Variants in ISM1 observed in about 807,000 individuals in gnomAD.
ISM1 encodes the protein isthmin-1.
A neutral mutation model predicts 46.3 loss-of-function variants in ISM1; 25 were observed. The observed-to-expected ratio is 0.54, with a 90% CI of 0.39 to 0.75. The LOEUF (loss-of-function observed/expected upper bound fraction) is 0.75. Among genes scored for constraint, ISM1 ranks in the 30% least tolerant of loss-of-function variants. ISM1 has a pLI of 0.00. For synonymous variants in ISM1, 255 were observed against 256.7 expected (o/e 0.99, Z 0.06); for missense variants, 536 against 625.4 (o/e 0.86, Z 1.52).
the ISM1 span, among the ~76,000 whole-genome samples, chr20:13,317,322 C>T: frequency 6.6e-6 from 1 of 152,100 alleles, no homozygotes; most frequent in African/African-American, 2.4e-5. Context: ...TTGAGAGATA[C>T]TCCATGTTAG....
At chr20:13,280,319 T>C (rs2040224745) in intron 3 of ISM1, among the ~76,000 whole-genome samples, 2 of 151,990 alleles carry the variant, frequency 1.3e-5, no homozygotes, top group African/African-American at 2.4e-5. Flanking sequence ...GCAACTGTGT[T>C]ATGTTTGATA....
intron 2 of ISM1, among the ~76,000 whole-genome samples, chr20:13,273,255 G>T (rs199649447): frequency 1.9e-4 from 5 of 25,918 alleles, no homozygotes; most frequent in African/African-American, 7.2e-4. Flanking sequence ...ATTTTATTTT[G>T]ACAAGGTCTT....
Position 13,221,796 on chromosome 20 carries a change from A to AGCT in ISM1, c.34_36dup (p.Leu12dup), listed in dbSNP as rs764390050. ...AAAAGGATGGTGCGCCTGGCGGCCG[A>AGCT]GCTGCTGCTGCTGCTGGGGCTGCTG... is the stretch of plus-strand genomic sequence containing the variant. On this transcript the variant is annotated inframe_insertion, in exon 1 of 6. Coordinates refer to ENST00000262487, the MANE Select transcript of ISM1 (RefSeq NM_080826.2). 1.9e-5 allele frequency: 27 copies of AGCT among 1,450,490 alleles called. No homozygotes were observed. The highest frequency in any genetic ancestry group is 2.4e-4 in the Middle Eastern group (1 of 4,232). The allele number at this position is 1,450,490 out of a possible 1,614,324, so 89.9% of individuals were successfully genotyped here.
chr20:13,260,959 A>G (rs1200168837), intron 1 of ISM1, among the ~76,000 whole-genome samples: 1 of 152,174 alleles, frequency 6.6e-6, no homozygotes, highest in East Asian at 1.9e-4. Flanking sequence ...AATCTGGTAT[A>G]AATTATCTCT....
At chr20:13,286,125 C>T (rs2040289737) in intron 3 of ISM1, among the ~76,000 whole-genome samples, 1 of 152,010 alleles carries the variant, frequency 6.6e-6, no homozygotes, top group Admixed American at 6.6e-5. Flanking sequence ...TACTTTTGAC[C>T]TTTTTTTAGC....
chr20:13,321,272 A>AC, the ISM1 span, among the ~76,000 whole-genome samples: 10 of 151,002 alleles, frequency 6.6e-5, no homozygotes, highest in Non-Finnish European at 1.3e-4. Flanking sequence ...AAAAAAAAAA[A>AC]AAAAGATTTT....
At chr20:13,258,630 T>C (rs2039953427) in intron 1 of ISM1, among the ~76,000 whole-genome samples, 1 of 152,120 alleles carries the variant, frequency 6.6e-6, no homozygotes, top group African/African-American at 2.4e-5. Flanking sequence ...TGAGAACTTG[T>C]GATTCTCTTT....
chr20:13,266,936 A>G (rs2040049273), intron 1 of ISM1, among the ~76,000 whole-genome samples: 1 of 152,182 alleles, frequency 6.6e-6, no homozygotes, highest in Non-Finnish European at 1.5e-5. Context: ...TGCAAGGAGG[A>G]TGTGCAGTAA....
At chr20:13,310,895 A>T in the ISM1 span, among the ~76,000 whole-genome samples, 1 of 152,204 alleles carries the variant, frequency 6.6e-6, no homozygotes, top group Non-Finnish European at 1.5e-5. Context: ...GAAGATGTTT[A>T]TCAAAAAATA....
At chr20:13,288,143 T>C (rs2040313693) in intron 3 of ISM1, among the ~76,000 whole-genome samples, 1 of 152,210 alleles carries the variant, frequency 6.6e-6, no homozygotes, top group African/African-American at 2.4e-5. Flanking sequence ...GCCCAGATTC[T>C]AGAGAAAATA....
intron 1 of ISM1, chr20:13,245,403 CCA>C (rs1444521482): frequency 6.6e-6 from 1 of 152,196 alleles, no homozygotes; most frequent in East Asian, 1.9e-4. Context: ...AAGACAAAAT[CCA>C]CAGTCTTTGT....
chr20:13,302,168 C>G (rs2040463669), downstream of ISM1, among the ~76,000 whole-genome samples: 1 of 152,138 alleles, frequency 6.6e-6, no homozygotes, highest in Admixed American at 6.5e-5. Flanking sequence ...AGCTTTCTTA[C>G]TACGGTGAAA....
At position 13,294,738 on chromosome 20, in the gene ISM1, C is replaced by T. The variant is rs73898763; in HGVS notation, c.877+2275C>T. 4.7e-3 allele frequency among the ~76,000 whole-genome samples: 716 copies of T among 152,312 alleles called. 6 individuals are homozygous for T. The highest frequency in any genetic ancestry group is 0.016 in the African/African-American group (667 of 41,552). On this transcript the variant is annotated intron_variant, in intron 5 of 5. Coordinates refer to ENST00000262487, the MANE Select transcript of ISM1 (RefSeq NM_080826.2). ...CTCAGAGAGGAGGCCACAGCCACAG[C>T]CTATCCCAGCTGGCAGCACCTCGAC...
At chr20:13,295,091 C>T (rs550852868) in intron 5 of ISM1, among the ~76,000 whole-genome samples, 1 of 152,302 alleles carries the variant, frequency 6.6e-6, no homozygotes, top group East Asian at 1.9e-4. Flanking sequence ...ACCCACACCA[C>T]CACCAGCCTC....
chr20:13,240,709 T>C (rs1346742392), intron 1 of ISM1, among the ~76,000 whole-genome samples: 1 of 152,192 alleles, frequency 6.6e-6, no homozygotes, highest in Non-Finnish European at 1.5e-5. Flanking sequence ...CATAGATATG[T>C]TAGAAAATTT....
chr20:13,287,851 C>T (rs2123306092), intron 3 of ISM1, among the ~76,000 whole-genome samples: 1 of 152,294 alleles, frequency 6.6e-6, no homozygotes, highest in East Asian at 1.9e-4. Flanking sequence ...CTTAAAACAA[C>T]AACCGTTTAT....
the ISM1 span, among the ~76,000 whole-genome samples, chr20:13,322,269 A>G: frequency 8.6e-4 from 131 of 152,304 alleles, no homozygotes; most frequent in African/African-American, 3.1e-3. Context: ...TCATCTTCAA[A>G]GGCAGTTTGT....
intron 4 of ISM1, among the ~76,000 whole-genome samples, chr20:13,290,415 C>T (rs1007985836): frequency 5.3e-5 from 8 of 152,084 alleles, no homozygotes; most frequent in East Asian, 1.9e-4. Context: ...TTTGGGAGGC[C>T]GAGGCGGGCA....
intron 1 of ISM1, among the ~76,000 whole-genome samples, chr20:13,232,053 G>A (rs952124244): frequency 6.6e-6 from 1 of 152,152 alleles, no homozygotes. Flanking sequence ...TTTCACCAAG[G>A]ACAAAGAAAC....
Sources: allele counts gnomAD v4.1 joint callset (sites outside exome capture counted in the v4.1 genomes callset), GRCh38; gene constraint gnomAD v4.1.1; transcripts MANE v1.5; gene names NCBI Gene and HGNC (gene_info 2026-07-23, HGNC 2026-07-21).